Variants in HDX observed in about 807,000 individuals in gnomAD.
The protein encoded by HDX is highly divergent homeobox.
In HDX, 19 loss-of-function variants were observed where a neutral mutation model predicts 45.2. The observed-to-expected ratio is 0.42, with a 90% CI of 0.29 to 0.62. The LOEUF (loss-of-function observed/expected upper bound fraction) is 0.62, where lower values mean the gene tolerates loss of function less well. Among genes scored for constraint, HDX ranks in the 20% least tolerant of loss-of-function variants. The pLI is 0.20. For missense variants in HDX, 532 were observed against 493.9 expected (o/e 1.08, Z -0.73); for synonymous variants, 188 against 172.8 (o/e 1.09, Z -0.69).
intron 5 of HDX, among the ~76,000 whole-genome samples, chrX:84,411,911 A>C (rs1343860629): frequency 9.0e-6 from 1 of 111,376 alleles, no homozygotes; most frequent in Non-Finnish European, 1.9e-5. Flanking sequence ...CTTTACCATT[A>C]TTTAATGTTC....
chrX:84,448,587 G>A (rs914654097), intron 4 of HDX, among the ~76,000 whole-genome samples: 8 of 110,382 alleles, frequency 7.2e-5, no homozygotes, highest in Non-Finnish European at 7.6e-5. Context: ...TGGACACACC[G>A]AGAATGAAAG....
At chrX:84,341,091 T>C (rs1033828882) in intron 7 of HDX, among the ~76,000 whole-genome samples, 8 of 110,746 alleles carry the variant, frequency 7.2e-5, no homozygotes, top group Non-Finnish European at 1.3e-4. Context: ...ACTTAGGGTC[T>C]TCTGTACTTT....
chrX:84,364,033 ATCT>A (rs1017583631), intron 5 of HDX, among the ~76,000 whole-genome samples: 4 of 111,516 alleles, frequency 3.6e-5, no homozygotes, highest in African/African-American at 1.3e-4. Context: ...AATAATAGAA[ATCT>A]TCTGTTATTT....
At chrX:84,470,128 T>A (rs2040428750) in intron 3 of HDX, among the ~76,000 whole-genome samples, 1 of 111,926 alleles carries the variant, frequency 8.9e-6, no homozygotes, top group South Asian at 3.7e-4. Flanking sequence ...AGATTATTTA[T>A]AGTATTTTTT....
At chrX:84,347,905 A>T (rs961337907) in intron 6 of HDX, among the ~76,000 whole-genome samples, 2 of 111,183 alleles carry the variant, frequency 1.8e-5, no homozygotes, top group African/African-American at 3.3e-5. Context: ...TTACAGTTTG[A>T]GTATGATATG....
Position 84,318,878 on chromosome X carries a change from A to G in HDX, c.*3011T>C, listed in dbSNP as rs1371218179. On this transcript the variant is annotated 3_prime_UTR_variant, in exon 11 of 11. Coordinates refer to ENST00000373177, the MANE Select transcript of HDX (RefSeq NM_001177479.2). ...TTAGGACAAAACATCCCCAGTTTCC[A>G]TGAAGAGGCCAATTTTCTTTTAAGG... 9.0e-6 allele frequency: 1 copy of G among 111,471 alleles called. No individual in the cohort carries two copies. Among genetic ancestry groups the G allele is most frequent in the Non-Finnish European group, 1.9e-5 (1 of 52,658 alleles). The allele number at this position is 111,471 out of a possible 1,213,427, so 9.2% of individuals were successfully genotyped here.
intron 9 of HDX, among the ~76,000 whole-genome samples, chrX:84,327,682 T>C (rs1602251342): frequency 9.0e-6 from 1 of 111,622 alleles, no homozygotes; most frequent in Non-Finnish European, 1.9e-5. Context: ...ATAATAAAAC[T>C]GAAACTTTTA....
At chrX:84,412,479 G>A (rs1019105177) in intron 5 of HDX, among the ~76,000 whole-genome samples, 1 of 111,354 alleles carries the variant, frequency 9.0e-6, no homozygotes, top group African/African-American at 3.3e-5. Context: ...TTCTAATAGT[G>A]CAATGCTTAA....
chrX:84,477,962 A>G (rs2040591086), intron 2 of HDX, among the ~76,000 whole-genome samples: 1 of 111,561 alleles, frequency 9.0e-6, no homozygotes, highest in African/African-American at 3.3e-5. Context: ...TAGGAATAAG[A>G]CAACCTCGGT....
At chrX:84,345,069 G>A (rs1374539645) in intron 6 of HDX, among the ~76,000 whole-genome samples, 3 of 110,379 alleles carry the variant, frequency 2.7e-5, no homozygotes, top group Non-Finnish European at 5.7e-5. Flanking sequence ...TTATTACCTT[G>A]GCATTTCAAG....
rs776386504 is a variant in HDX at position 84,424,269 on chromosome X, T to C, written c.1305+16263A>G. On this transcript the variant is annotated intron_variant, in intron 5 of 10. Coordinates refer to ENST00000373177, the MANE Select transcript of HDX (RefSeq NM_001177479.2). ...AAATTAACCAAAGAACTGAAACATCTTTACAATAATGACAACTATAAAACA... is the reference window on the plus strand; with the variant it reads ...AAATTAACCAAAGAACTGAAACATCCTTACAATAATGACAACTATAAAACA... Among the ~76,000 whole-genome samples the C allele has an allele frequency of 2.8e-4, 31 of 110,610 alleles. No homozygotes were observed. The East Asian group carries it at 8.0e-3, about 28-fold the overall frequency.
At chrX:84,478,204 T>C (rs1050840552) in intron 2 of HDX, among the ~76,000 whole-genome samples, 1 of 112,009 alleles carries the variant, frequency 8.9e-6, no homozygotes, top group African/African-American at 3.2e-5. Flanking sequence ...CATATTCAGA[T>C]ATGGAATTTT....
chrX:84,327,013 T>C (rs1291048401), intron 9 of HDX, among the ~76,000 whole-genome samples: 2 of 110,939 alleles, frequency 1.8e-5, no homozygotes, highest in African/African-American at 3.3e-5. Flanking sequence ...GAAAGCCAAC[T>C]ACTCAGAACT....
chrX:84,329,232 G>A (rs905523908), intron 9 of HDX, among the ~76,000 whole-genome samples: 3 of 111,807 alleles, frequency 2.7e-5, no homozygotes, highest in South Asian at 3.7e-4. Flanking sequence ...TGGCCAGCTC[G>A]CCCTTCCCAT....
chrX:84,502,196 C>T (rs1299597764), intron 1 of HDX, 146 bp downstream of exon 1: 1 of 110,873 alleles, frequency 9.0e-6, no homozygotes, highest in African/African-American at 3.3e-5. Flanking sequence ...CCCTAGGATC[C>T]GCACCAGTTT....
intron 5 of HDX, among the ~76,000 whole-genome samples, chrX:84,417,146 T>G (rs1424804828): frequency 1.3e-5 from 1 of 76,972 alleles, no homozygotes; most frequent in Non-Finnish European, 2.5e-5. Flanking sequence ...AGAGCGAGAC[T>G]CCAAAAAGAA....
chrX:84,347,249 C>T (rs1187595581), intron 6 of HDX, among the ~76,000 whole-genome samples: 1 of 110,127 alleles, frequency 9.1e-6, no homozygotes, highest in Admixed American at 9.8e-5. Context: ...CACTCTGTCA[C>T]AGTAATGTGA....
chrX:84,479,375 C>T (rs773479147), intron 2 of HDX, among the ~76,000 whole-genome samples: 4 of 111,883 alleles, frequency 3.6e-5, no homozygotes, highest in Non-Finnish European at 5.6e-5. Flanking sequence ...ATCTGTGTTG[C>T]TGTGTGTCAT....
intron 3 of HDX, among the ~76,000 whole-genome samples, chrX:84,470,200 G>T (rs1358682383): frequency 9.0e-6 from 1 of 110,913 alleles, no homozygotes; most frequent in Non-Finnish European, 1.9e-5. Context: ...TCTTTGTACT[G>T]CTGCTCTATT....
Sources: gnomAD v4.1 joint callset for allele counts (sites outside exome capture counted in the v4.1 genomes callset) on GRCh38, gnomAD v4.1.1 for gene constraint, MANE v1.5 for transcripts, NCBI Gene and HGNC (gene_info 2026-07-23, HGNC 2026-07-21) for gene names.